GLG1: variants seen among roughly 807,000 people sequenced by gnomAD.
The protein encoded by GLG1 is golgi glycoprotein 1.
Under a neutral mutation model 160.5 loss-of-function variants are expected in GLG1, and 38 were observed. The ratio of observed to expected loss-of-function variants is 0.24; its 90% CI spans 0.18 to 0.31. The LOEUF (loss-of-function observed/expected upper bound fraction) is 0.31. GLG1 is among the 10% of genes least tolerant of loss of function. The probability of loss-of-function intolerance (pLI) is 1.00; values close to 1 mark genes in which losing one functional copy is unlikely to be tolerated. For missense variants in GLG1, 1,373 were observed against 1,505.2 expected, an observed-to-expected ratio of 0.91 and a Z score of 1.45; for synonymous variants, 644 against 543.4, an observed-to-expected ratio of 1.19 and a Z score of -2.57.
intron 19 of GLG1, chr16:74,463,998 C>T (rs1361495196): frequency 6.4e-6 from 1 of 157,358 alleles, no homozygotes; most frequent in African/African-American, 2.4e-5. Flanking sequence ...CTGTGGTCAC[C>T]CTTAACATCT....
At chr16:74,508,361 A>G (rs895428387) in intron 3 of GLG1, among the ~76,000 whole-genome samples, 10 of 152,038 alleles carry the variant, frequency 6.6e-5, no homozygotes, top group African/African-American at 2.4e-4. Flanking sequence ...AAGTACCACA[A>G]TTTTCACTAA....
chr16:74,509,469 C>A (rs1209235199), intron 2 of GLG1, among the ~76,000 whole-genome samples: 1 of 151,958 alleles, frequency 6.6e-6, no homozygotes, highest in Non-Finnish European at 1.5e-5. Flanking sequence ...ATCTCACAAT[C>A]AACAGTGCTT....
intron 1 of GLG1, among the ~76,000 whole-genome samples, chr16:74,549,654 G>C (rs955010140): frequency 6.6e-6 from 1 of 152,016 alleles, no homozygotes; most frequent in African/African-American, 2.4e-5. Context: ...TTTGCTCCAA[G>C]TATGACTAGA....
intron 7 of GLG1, 23 bp downstream of exon 7, chr16:74,492,934 T>TAA: frequency 1.3e-5 from 17 of 1,339,124 alleles, no homozygotes; most frequent in South Asian, 7.2e-5. Context: ...AAATGATAAT[T>TAA]AAAAAAAAAA....
At chr16:74,595,836 T>C (rs1191628373) in intron 1 of GLG1, among the ~76,000 whole-genome samples, 1 of 152,052 alleles carries the variant, frequency 6.6e-6, no homozygotes, top group Non-Finnish European at 1.5e-5. Flanking sequence ...AATATAAAAA[T>C]TATTGGGCCA....
chr16:74,567,669 C>T (rs1027957702), intron 1 of GLG1, among the ~76,000 whole-genome samples: 19 of 149,956 alleles, frequency 1.3e-4, no homozygotes, highest in African/African-American at 3.2e-4. Context: ...CCCGGGTTCA[C>T]GCCATTCTCC....
At chr16:74,591,800 A>G (rs561228565) in intron 1 of GLG1, among the ~76,000 whole-genome samples, 1 of 152,184 alleles carries the variant, frequency 6.6e-6, no homozygotes, top group Non-Finnish European at 1.5e-5. Flanking sequence ...CTGAAAAGTC[A>G]CCATCTTTCA....
chr16:74,532,917 T>G (rs1465286801), intron 1 of GLG1, among the ~76,000 whole-genome samples: 1 of 152,192 alleles, frequency 6.6e-6, no homozygotes, highest in Non-Finnish European at 1.5e-5. Context: ...TTTTTGAAAC[T>G]TCCTGTGAGT....
At chr16:74,491,636 CTTTTT>C (rs57935114) in intron 7 of GLG1, among the ~76,000 whole-genome samples, 2 of 87,414 alleles carry the variant, frequency 2.3e-5, no homozygotes, top group Non-Finnish European at 4.7e-5. Context: ...ATGGGGAAAA[CTTTTT>C]TTTTTTTTTT....
rs116843361 is a variant in GLG1 at position 74,455,127 on chromosome 16, C to T, written c.3372+1522G>A. Reference sequence around the variant, plus strand: ...CACTTGTGGACATTTATAATTTAACCTCAGCTATCTTTCATCCTCAGTTTT... The same window carrying T: ...CACTTGTGGACATTTATAATTTAACTTCAGCTATCTTTCATCCTCAGTTTT... On this transcript the variant is annotated intron_variant, in intron 25 of 25. Transcript: ENST00000422840. Among the ~76,000 whole-genome samples the T allele has an allele frequency of 6.4e-4, 98 of 152,232 alleles. No individual in the cohort carries two copies. The East Asian group carries it at 0.018, about 28-fold the overall frequency.
Position 74,452,023 on chromosome 16 carries a change from G to C in GLG1, c.*1144C>G. On this transcript the variant is annotated 3_prime_UTR_variant, in exon 26 of 26. Coordinates refer to ENST00000422840, the MANE Select transcript of GLG1 (RefSeq NM_001145667.2). ...TCCACGTAGAGGCACAAAGGAGCTT[G>C]TCTGGGAAGTTTGTCTGGAGTGTGC... The C allele has an allele frequency of 2.0e-6, 3 of 1,480,686 alleles. No individual in the cohort carries two copies. The highest frequency in any genetic ancestry group is 2.8e-6 in the Non-Finnish European group (3 of 1,058,060). 91.7% of individuals were successfully genotyped at this position (1,480,686 alleles called of 1,614,324 possible). A position where few individuals can be genotyped will look rare whatever the true frequency, so the allele number is the denominator to read the frequency against.
At chr16:74,458,756 CAGAA>C (rs1392133621) in intron 23 of GLG1, among the ~76,000 whole-genome samples, 1 of 152,172 alleles carries the variant, frequency 6.6e-6, no homozygotes, top group African/African-American at 2.4e-5. Context: ...CTGTTGTCCT[CAGAA>C]AGAAAAACAG....
intron 1 of GLG1, among the ~76,000 whole-genome samples, chr16:74,593,429 GC>G (rs1395807416): frequency 6.2e-5 from 8 of 129,146 alleles, no homozygotes; most frequent in African/African-American, 2.3e-4. Context: ...AAGTACCAGA[GC>G]TTTTTTTTTT....
At chr16:74,504,775 G>C (rs2016536639) in intron 3 of GLG1, among the ~76,000 whole-genome samples, 1 of 152,214 alleles carries the variant, frequency 6.6e-6, no homozygotes. Flanking sequence ...GGATGGTTTA[G>C]ACATATGATC....
chr16:74,479,203 T>C (rs1567469758), intron 11 of GLG1, among the ~76,000 whole-genome samples: 1 of 135,272 alleles, frequency 7.4e-6, no homozygotes, highest in Non-Finnish European at 1.5e-5. Context: ...CAGCCTGGGG[T>C]GCAGTGAGAC....
At chr16:74,541,587 A>C (rs2017869055) in intron 1 of GLG1, among the ~76,000 whole-genome samples, 1 of 152,214 alleles carries the variant, frequency 6.6e-6, no homozygotes, top group African/African-American at 2.4e-5. Flanking sequence ...GGGCTATTAT[A>C]AGCATCAGGA....
intron 1 of GLG1, among the ~76,000 whole-genome samples, chr16:74,605,649 A>T (rs1383015893): frequency 1.3e-5 from 2 of 152,128 alleles, no homozygotes; most frequent in African/African-American, 4.8e-5. Context: ...ATACTAGAAC[A>T]CGAGATGAAG....
At chr16:74,599,789 G>A (rs1046533126) in intron 1 of GLG1, among the ~76,000 whole-genome samples, 3 of 151,780 alleles carry the variant, frequency 2.0e-5, no homozygotes, top group Non-Finnish European at 2.9e-5. Flanking sequence ...GCGTGAACCC[G>A]GGAGGTAGAG....
At chr16:74,542,759 A>G (rs1446752908) in intron 1 of GLG1, among the ~76,000 whole-genome samples, 490 of 56,908 alleles carry the variant, frequency 8.6e-3, no homozygotes, top group Admixed American at 0.014. Flanking sequence ...GGAAGGAAGG[A>G]AGGAAGGAAG....
Sources: allele counts gnomAD v4.1 joint callset (sites outside exome capture counted in the v4.1 genomes callset), GRCh38; gene constraint gnomAD v4.1.1; transcripts MANE v1.5; gene names NCBI Gene and HGNC (gene_info 2026-07-23, HGNC 2026-07-21).